The following DNAAF5 variants were observed in gnomAD, a reference collection of about 807,000 sequenced individuals.
DNAAF5 encodes the protein dynein axonemal assembly factor 5, also known as HEAT repeat containing 2.
A neutral mutation model predicts 75.8 loss-of-function variants in DNAAF5; 64 were observed. The observed-to-expected ratio is 0.84, with a 90% CI of 0.69 to 1.04. The LOEUF (loss-of-function observed/expected upper bound fraction) is 1.04, where lower values mean the gene tolerates loss of function less well. Among genes scored for constraint, DNAAF5 ranks in the 50% least tolerant of loss-of-function variants. The pLI is 0.00. For missense variants in DNAAF5, 1,269 were observed against 1,178.5 expected, an observed-to-expected ratio of 1.08 and a Z score of -1.12; for synonymous variants, 657 against 557.2, an observed-to-expected ratio of 1.18 and a Z score of -2.52.
chr7:785,211 TTG>T (rs1228962350), intron 12 of DNAAF5, among the ~76,000 whole-genome samples: 1 of 152,116 alleles, frequency 6.6e-6, no homozygotes, highest in African/African-American at 2.4e-5. Flanking sequence ...CGTATCCACA[TTG>T]TGACTACTGG....
intron 12 of DNAAF5, among the ~76,000 whole-genome samples, chr7:780,512 T>A (rs1225630574): frequency 6.6e-6 from 1 of 152,268 alleles, no homozygotes; most frequent in Non-Finnish European, 1.5e-5. Flanking sequence ...TGTAGCTTGA[T>A]GGAAGACACT....
In DNAAF5 at chr7:761,901, G is replaced by A. The variant is rs142898091; in HGVS notation, c.1614+5G>A. On this transcript the variant is annotated splice_donor_5th_base_variant and intron_variant, in intron 7 of 12. Transcript: ENST00000297440. ...GCTACCGGCCTGAGGGACAAGGTAAGGCTGACAGTGGTGGCTGCTGCTTGA... is the reference window on the plus strand; with the variant it reads ...GCTACCGGCCTGAGGGACAAGGTAAAGCTGACAGTGGTGGCTGCTGCTTGA... 1 of 1,565,286 alleles carries A rather than the reference G, an allele frequency of 6.4e-7. No homozygotes were observed. The highest frequency in any genetic ancestry group is 8.7e-7 in the Non-Finnish European group (1 of 1,155,602).
intron 4 of DNAAF5, among the ~76,000 whole-genome samples, chr7:753,911 C>T (rs1224619490): frequency 8.2e-6 from 1 of 121,592 alleles, no homozygotes; most frequent in African/African-American, 3.2e-5. Flanking sequence ...GCGATGGCTT[C>T]GCAGGCGTGT....
At chr7:730,717 T>C (rs1352917526) in intron 2 of DNAAF5, among the ~76,000 whole-genome samples, 1 of 152,204 alleles carries the variant, frequency 6.6e-6, no homozygotes, top group Non-Finnish European at 1.5e-5. Context: ...CCAGGCTTCA[T>C]TCTCCGGCTC....
Position 780,137 on chromosome 7 carries a change from A to C in DNAAF5, c.2424A>C (p.Ala808=). 1 of 1,613,758 alleles carries C rather than the reference A, an allele frequency of 6.2e-7. No individual in the cohort carries two copies. Among genetic ancestry groups the C allele is most frequent in the Non-Finnish European group, 8.5e-7 (1 of 1,179,818 alleles). Residue 808 remains alanine (A), a synonymous_variant, in exon 12 of 13, where the codon GCA becomes GCC. Coordinates refer to ENST00000297440, the MANE Select transcript of DNAAF5 (RefSeq NM_017802.4). ...LDDPERAIQD[A]ILEVLKEGSG... ...ATCCAGAGAGGGCCATCCAGGATGCAATTTTAGGTGAGACTCCGACGGCTT... is the reference window on the plus strand; with the variant it reads ...ATCCAGAGAGGGCCATCCAGGATGCCATTTTAGGTGAGACTCCGACGGCTT...
At chr7:773,178 C>T (rs1388050391) in intron 9 of DNAAF5, among the ~76,000 whole-genome samples, 1 of 152,198 alleles carries the variant, frequency 6.6e-6, no homozygotes, top group Non-Finnish European at 1.5e-5. Context: ...AACGAACCCA[C>T]GCCAGAAACC....
intron 6 of DNAAF5, among the ~76,000 whole-genome samples, chr7:760,074 G>A (rs62432246): frequency 1.8e-4 from 2 of 10,970 alleles, no homozygotes; most frequent in Admixed American, 1.0e-3. Flanking sequence ...ACGGGGCCGC[G>A]CGGCTCCTCC....
At chr7:771,560 G>C (rs1308687617) in intron 9 of DNAAF5, 1 of 152,280 alleles carries the variant, frequency 6.6e-6, no homozygotes, top group Non-Finnish European at 1.5e-5. Flanking sequence ...CTGCTCTCGG[G>C]CCTCAGCCCG....
chr7:774,535 C>G (rs1412723563), intron 10 of DNAAF5, among the ~76,000 whole-genome samples: 1 of 144,396 alleles, frequency 6.9e-6, no homozygotes, highest in East Asian at 2.0e-4. Context: ...AGGATCCAGG[C>G]CAGAGGACGG....
chr7:744,570 C>T (rs1410168966), intron 4 of DNAAF5, among the ~76,000 whole-genome samples: 1 of 152,044 alleles, frequency 6.6e-6, no homozygotes, highest in African/African-American at 2.4e-5. Context: ...TGATCACTGG[C>T]CATCAGAGAA....
chr7:755,886 C>T (rs569709882), intron 5 of DNAAF5, among the ~76,000 whole-genome samples: 3 of 152,296 alleles, frequency 2.0e-5, no homozygotes, highest in East Asian at 3.9e-4. Context: ...GCAAGAGACA[C>T]GGGGGTGAGG....
chr7:767,035 C>T (rs1481107363), intron 8 of DNAAF5, among the ~76,000 whole-genome samples: 1 of 151,722 alleles, frequency 6.6e-6, no homozygotes, highest in African/African-American at 2.4e-5. Context: ...GTCAGGAGAT[C>T]GAGACCATCC....
chr7:737,067 G>C (rs1231616415), intron 2 of DNAAF5, among the ~76,000 whole-genome samples: 3 of 151,660 alleles, frequency 2.0e-5, no homozygotes, highest in African/African-American at 4.8e-5. Flanking sequence ...AGTCATTGTA[G>C]TTATTTTTAT....
chr7:755,099 G>A (rs1318426697), intron 5 of DNAAF5, among the ~76,000 whole-genome samples: 4 of 152,120 alleles, frequency 2.6e-5, no homozygotes, highest in Admixed American at 6.5e-5. Context: ...TTGTGTAGAC[G>A]TGCCGTGCAC....
At position 756,979 on chromosome 7, in the gene DNAAF5, C is replaced by T; in HGVS notation, c.1455C>T (p.Cys485=). The T allele has an allele frequency of 6.2e-7, 1 of 1,604,138 alleles. No homozygotes were observed. Reference sequence around the variant, plus strand: ...CAGAGCTGGCACAGGCCCACATCTGCCAGGCATCTGAAAACGTAAGAGCAC... The same window carrying T: ...CAGAGCTGGCACAGGCCCACATCTGTCAGGCATCTGAAAACGTAAGAGCAC... ...IATELAQAHI[C]QASENDLYLE... Residue 485 remains cysteine (C), a synonymous_variant, in exon 6 of 13, where the codon TGC becomes TGT. Coordinates refer to ENST00000297440, the MANE Select transcript of DNAAF5 (RefSeq NM_017802.4).
chr7:728,857 C>CGGTCACACT (rs942650702), intron 1 of DNAAF5, among the ~76,000 whole-genome samples: 5 of 152,162 alleles, frequency 3.3e-5, no homozygotes, highest in Admixed American at 3.3e-4. Flanking sequence ...CCTCTGGTCT[C>CGGTCACACT]GGTCACACTG....
At chr7:735,360 G>A (rs769402340) in intron 2 of DNAAF5, among the ~76,000 whole-genome samples, 5 of 151,304 alleles carry the variant, frequency 3.3e-5, no homozygotes, top group African/African-American at 7.3e-5. Flanking sequence ...TCATGGTGTC[G>A]TTGCTCATAT....
At chr7:734,052 AAAC>A (rs1781662462) in intron 2 of DNAAF5, among the ~76,000 whole-genome samples, 1 of 152,224 alleles carries the variant, frequency 6.6e-6, no homozygotes, top group South Asian at 2.1e-4. Flanking sequence ...TATCATCTGC[AAAC>A]AAGAATAATT....
intron 11 of DNAAF5, among the ~76,000 whole-genome samples, chr7:779,643 G>A (rs577415416): frequency 1.1e-4 from 17 of 152,172 alleles, no homozygotes; most frequent in South Asian, 2.1e-4. Flanking sequence ...ACACAGCTGC[G>A]AGGAGGTGGA....
Sources: allele counts gnomAD v4.1 joint callset (sites outside exome capture counted in the v4.1 genomes callset), GRCh38; gene constraint gnomAD v4.1.1; transcripts MANE v1.5; gene names NCBI Gene and HGNC (gene_info 2026-07-23, HGNC 2026-07-21).